Variants in MYRIP observed in about 807,000 individuals in gnomAD.
MYRIP encodes the protein myosin VIIA and Rab interacting protein.
Under a neutral mutation model 98.0 loss-of-function variants are expected in MYRIP, and 49 were observed. That is an observed-to-expected ratio of 0.50 (90% CI 0.40 to 0.63). The LOEUF is 0.63. MYRIP is among the 30% of genes least tolerant of loss of function. The pLI, the probability that MYRIP is intolerant of heterozygous loss-of-function variation, is 0.00. For missense variants in MYRIP, 1,004 were observed against 1,058.2 expected, an observed-to-expected ratio of 0.95 and a Z score of 0.71; for synonymous variants, 404 against 409.5, an observed-to-expected ratio of 0.99 and a Z score of 0.16.
intron 1 of MYRIP, among the ~76,000 whole-genome samples, chr3:39,823,293 C>T (rs534526906): frequency 3.3e-5 from 5 of 152,272 alleles, no homozygotes; most frequent in Middle Eastern, 3.4e-3. Context: ...GGATTACAGG[C>T]GTGAGCCACC....
rs75386356 is a variant in MYRIP at position 40,183,855 on chromosome 3, C to T, written c.1027+1482C>T. Reference sequence around the variant, plus strand: ...TTTAAAGATTGTGCTATTATTTCTACTCTAAAAGGGAAAAGATTTAACCAA... The same window carrying T: ...TTTAAAGATTGTGCTATTATTTCTATTCTAAAAGGGAAAAGATTTAACCAA... On this transcript the variant is annotated intron_variant, in intron 9 of 16. Coordinates refer to ENST00000302541, the MANE Select transcript of MYRIP (RefSeq NM_015460.4). Among the ~76,000 whole-genome samples the T allele has an allele frequency of 5.3e-5, 8 of 152,338 alleles. No individual in the cohort carries two copies. In the East Asian group the frequency reaches 5.8e-4, roughly 11 times the overall value.
chr3:40,229,354 A>T (rs1399434912), intron 11 of MYRIP, among the ~76,000 whole-genome samples: 3 of 152,160 alleles, frequency 2.0e-5, no homozygotes, highest in African/African-American at 7.2e-5. Flanking sequence ...CTCTGCCTAC[A>T]GTCCCTAGAG....
intron 10 of MYRIP, among the ~76,000 whole-genome samples, chr3:40,196,828 T>G (rs1392859334): frequency 6.6e-6 from 1 of 152,230 alleles, no homozygotes; most frequent in Non-Finnish European, 1.5e-5. Flanking sequence ...TGTAGTTTTC[T>G]TAATTCCTAT....
At chr3:39,950,839 T>C (rs1368864605) in intron 2 of MYRIP, among the ~76,000 whole-genome samples, 1 of 152,210 alleles carries the variant, frequency 6.6e-6, no homozygotes, top group African/African-American at 2.4e-5. Flanking sequence ...TTGTTGATTG[T>C]ACTGGGCTAC....
chr3:40,117,660 A>G, intron 3 of MYRIP, among the ~76,000 whole-genome samples: 1 of 152,184 alleles, frequency 6.6e-6, no homozygotes, highest in East Asian at 1.9e-4. Flanking sequence ...GAGGCAGAAG[A>G]GCAACAGCAG....
At chr3:39,836,396 G>T (rs991344233) in intron 1 of MYRIP, among the ~76,000 whole-genome samples, 4 of 152,130 alleles carry the variant, frequency 2.6e-5, no homozygotes, top group Admixed American at 6.5e-5. Context: ...GTCTTCTTTT[G>T]AGAAGTGTCT....
At position 39,968,297 on chromosome 3, in the gene MYRIP, C is replaced by A. The variant is rs568449907; in HGVS notation, c.110+67371C>A. Among the ~76,000 whole-genome samples, 26 of 152,062 alleles carry A rather than the reference C, an allele frequency of 1.7e-4. No homozygotes were observed. The South Asian group carries it at 4.4e-3, about 26-fold the overall frequency. On this transcript the variant is annotated intron_variant, in intron 2 of 16. Coordinates refer to ENST00000302541, the MANE Select transcript of MYRIP (RefSeq NM_015460.4). ...ACCTCCTGGGCATGCCTCAGCCTCC[C>A]AAGTAGCTGGGACTACAGGCACGTG...
At chr3:40,173,816 T>C (rs1262177005) in intron 8 of MYRIP, 1 of 152,260 alleles carries the variant, frequency 6.6e-6, no homozygotes, top group African/African-American at 2.4e-5. Flanking sequence ...AGGATTTTAT[T>C]TGTTTTGTCA....
At chr3:40,156,248 G>A (rs1326883445) in intron 4 of MYRIP, among the ~76,000 whole-genome samples, 1 of 151,916 alleles carries the variant, frequency 6.6e-6, no homozygotes, top group African/African-American at 2.4e-5. Context: ...ATTAAATAGG[G>A]AATCCTTTCC....
intron 2 of MYRIP, among the ~76,000 whole-genome samples, chr3:40,005,205 C>T (rs547260697): frequency 7.2e-4 from 110 of 152,324 alleles, no homozygotes; most frequent in African/African-American, 2.6e-3. Context: ...AGATTGATTG[C>T]TATTCTTTGC....
intron 1 of MYRIP, among the ~76,000 whole-genome samples, chr3:39,874,796 A>G (rs1942929834): frequency 6.6e-6 from 1 of 152,104 alleles, no homozygotes; most frequent in African/African-American, 2.4e-5. Context: ...ATTGGTCTAA[A>G]ATTCTCTTTT....
intron 3 of MYRIP, among the ~76,000 whole-genome samples, chr3:40,138,943 T>C (rs912600830): frequency 6.6e-6 from 1 of 152,224 alleles, no homozygotes; most frequent in Non-Finnish European, 1.5e-5. Context: ...TAATTTTGTA[T>C]CTTTTAATAA....
intron 3 of MYRIP, among the ~76,000 whole-genome samples, chr3:40,135,679 G>C (rs1173503601): frequency 1.3e-5 from 2 of 152,204 alleles, no homozygotes; most frequent in Non-Finnish European, 2.9e-5. Context: ...ACTAACAGCT[G>C]ATCTCTCCGC....
chr3:40,090,935 GTTTC>G (rs1173149757), intron 3 of MYRIP, among the ~76,000 whole-genome samples: 1 of 152,136 alleles, frequency 6.6e-6, no homozygotes, highest in Admixed American at 6.5e-5. Flanking sequence ...AGAGGATGCC[GTTTC>G]TTTCTTTCAG....
At chr3:39,888,826 T>G (rs542134608) in intron 1 of MYRIP, among the ~76,000 whole-genome samples, 4 of 151,978 alleles carry the variant, frequency 2.6e-5, no homozygotes, top group South Asian at 4.2e-4. Context: ...TCAAACAAAT[T>G]TACAAGAAAC....
intron 2 of MYRIP, among the ~76,000 whole-genome samples, chr3:39,968,856 A>G (rs1042290060): frequency 2.0e-5 from 3 of 152,048 alleles, no homozygotes; most frequent in Non-Finnish European, 4.4e-5. Context: ...TTCTAGTTCT[A>G]CAAAGAATGT....
intron 2 of MYRIP, among the ~76,000 whole-genome samples, chr3:39,956,486 C>T (rs1200946911): frequency 6.6e-6 from 1 of 152,134 alleles, no homozygotes; most frequent in African/African-American, 2.4e-5. Flanking sequence ...CCAACAAGAA[C>T]AAAGACACAA....
intron 2 of MYRIP, among the ~76,000 whole-genome samples, chr3:39,903,504 A>G (rs1361044415): frequency 1.3e-5 from 2 of 152,192 alleles, no homozygotes; most frequent in Non-Finnish European, 2.9e-5. Context: ...TCTGTTCTTC[A>G]GTTCAGACGT....
intron 2 of MYRIP, among the ~76,000 whole-genome samples, chr3:39,963,571 C>T (rs1436623450): frequency 6.6e-6 from 1 of 152,220 alleles, no homozygotes; most frequent in South Asian, 2.1e-4. Context: ...GCAGGGATGA[C>T]CCCCTGCTTC....
Sources: allele counts gnomAD v4.1 joint callset (sites outside exome capture counted in the v4.1 genomes callset), GRCh38; gene constraint gnomAD v4.1.1; transcripts MANE v1.5; gene names NCBI Gene and HGNC (gene_info 2026-07-23, HGNC 2026-07-21).